LEPR: variants seen among roughly 807,000 people sequenced by gnomAD.
LEPR encodes the protein leptin receptor.
LEPR carries 56 observed loss-of-function variants against 114.7 expected under a neutral mutation model. That is an observed-to-expected ratio of 0.49 (90% CI 0.39 to 0.61). LEPR has a LOEUF of 0.61. Among genes scored for constraint, LEPR ranks in the 20% least tolerant of loss-of-function variants. LEPR has a pLI of 0.00. For missense variants in LEPR, 1,202 were observed against 1,352.9 expected (o/e 0.89, Z 1.75); for synonymous variants, 443 against 461.4 (o/e 0.96, Z 0.51).
intron 2 of LEPR, among the ~76,000 whole-genome samples, chr1:65,548,943 G>T (rs1441596348): frequency 2.0e-5 from 3 of 152,302 alleles, no homozygotes; most frequent in Non-Finnish European, 4.4e-5. Flanking sequence ...GCAGTGGCTG[G>T]TACCAGTTGT....
At chr1:65,516,311 G>A (rs867774152) in intron 2 of LEPR, among the ~76,000 whole-genome samples, 2 of 152,080 alleles carry the variant, frequency 1.3e-5, no homozygotes, top group African/African-American at 4.8e-5. Context: ...CGGCGTGGTG[G>A]CACACACCTG....
intron 2 of LEPR, among the ~76,000 whole-genome samples, chr1:65,449,649 G>C (rs895914765): frequency 6.6e-6 from 1 of 151,410 alleles, no homozygotes; most frequent in African/African-American, 2.4e-5. Flanking sequence ...GCAACTACCT[G>C]TAGGTGGCAA....
chr1:65,598,895 T>G (rs1238433663), intron 8 of LEPR, 91 bp downstream of exon 8: 1 of 1,576,352 alleles, frequency 6.3e-7, no homozygotes, highest in Non-Finnish European at 8.7e-7. Context: ...TTTTGAGGCC[T>G]TAAAATGAAA....
rs1384854713 is a variant in LEPR at position 65,633,604 on chromosome 1, TATA to T, written c.2674-2585_2674-2583del. ...CAAATAGCTTTAAAAATACAATGAT[TATA>T]AGTATGGAATCAGTGAAAATATTTA... is the stretch of plus-strand genomic sequence containing the variant. On this transcript the variant is annotated intron_variant, in intron 19 of 19. Coordinates refer to ENST00000349533, the MANE Select transcript of LEPR (RefSeq NM_002303.6). The surrounding 1 kb of genome is among the most constrained non-coding windows in gnomAD (Gnocchi z 4.1). 5.2e-5 allele frequency: 51 copies of T among 986,880 alleles called. No individual in the cohort carries two copies. The highest frequency in any genetic ancestry group is 6.1e-5 in the Non-Finnish European group (51 of 829,648). 61.1% of individuals were successfully genotyped at this position (986,880 alleles called of 1,614,324 possible).
intron 2 of LEPR, among the ~76,000 whole-genome samples, chr1:65,460,985 T>C (rs1367981389): frequency 2.0e-5 from 3 of 150,716 alleles, no homozygotes; most frequent in Non-Finnish European, 4.4e-5. Flanking sequence ...CTTTTCTTTT[T>C]TTTTTTTTTT....
chr1:65,544,244 C>T (rs913164629), intron 2 of LEPR, among the ~76,000 whole-genome samples: 5 of 151,754 alleles, frequency 3.3e-5, no homozygotes, highest in Non-Finnish European at 7.4e-5. Context: ...GCTCTGTTTG[C>T]CTATTATTGG....
chr1:65,596,657 A>G (rs1570779650), intron 7 of LEPR, 64 bp downstream of exon 7: 2 of 1,437,146 alleles, frequency 1.4e-6, no homozygotes, highest in East Asian at 2.3e-5. Flanking sequence ...CTTAAGTCCC[A>G]TAGCAATTAC....
intron 19 of LEPR, 72 bp downstream of exon 19, chr1:65,623,053 A>G (rs1282607887): frequency 1.4e-6 from 2 of 1,415,830 alleles, no homozygotes; most frequent in Middle Eastern, 2.0e-4. Flanking sequence ...CTTATAGAGC[A>G]TTAAGCATTT....
At chr1:65,550,826 G>C (rs1652271355) in intron 2 of LEPR, among the ~76,000 whole-genome samples, 1 of 152,106 alleles carries the variant, frequency 6.6e-6, no homozygotes, top group Admixed American at 6.5e-5. Flanking sequence ...TGCACCCACT[G>C]TCCTGCACCC....
At chr1:65,518,268 G>GT (rs1342930614) in intron 2 of LEPR, among the ~76,000 whole-genome samples, 6 of 152,218 alleles carry the variant, frequency 3.9e-5, no homozygotes, top group Admixed American at 2.0e-4. Context: ...GAATCTTGTA[G>GT]TTTTCCTGTG....
chr1:65,612,118 C>T (rs564843521), intron 14 of LEPR, among the ~76,000 whole-genome samples: 1 of 152,110 alleles, frequency 6.6e-6, no homozygotes, highest in East Asian at 1.9e-4. Context: ...CCTCTTAAAC[C>T]GGGATAAGAT....
chr1:65,438,334 G>A (rs1218673123), intron 2 of LEPR, among the ~76,000 whole-genome samples: 1 of 151,582 alleles, frequency 6.6e-6, no homozygotes. Context: ...GGCAGATTAC[G>A]AGGTCAAGAG....
chr1:65,547,949 C>A (rs1002239928), intron 2 of LEPR, among the ~76,000 whole-genome samples: 1 of 150,816 alleles, frequency 6.6e-6, no homozygotes, highest in Non-Finnish European at 1.5e-5. Context: ...GCATTTAGTG[C>A]TATAAATTTC....
At chr1:65,540,656 C>T (rs1651127293) in intron 2 of LEPR, among the ~76,000 whole-genome samples, 1 of 152,102 alleles carries the variant, frequency 6.6e-6, no homozygotes, top group African/African-American at 2.4e-5. Context: ...TATAAATTAC[C>T]CAGTCTCAGA....
intron 2 of LEPR, among the ~76,000 whole-genome samples, chr1:65,545,309 T>G: frequency 6.6e-6 from 1 of 152,084 alleles, no homozygotes; most frequent in Non-Finnish European, 1.5e-5. Context: ...TATAGTCCTT[T>G]GGGTATACAC....
chr1:65,505,880 T>A (rs541800257), intron 2 of LEPR, among the ~76,000 whole-genome samples: 75 of 152,130 alleles, frequency 4.9e-4, no homozygotes, highest in Non-Finnish European at 9.8e-4. Context: ...TCTATCATTG[T>A]CAATTCTCTG....
chr1:65,502,277 G>A (rs1187080627), intron 2 of LEPR, among the ~76,000 whole-genome samples: 1 of 152,052 alleles, frequency 6.6e-6, no homozygotes, highest in African/African-American at 2.4e-5. Flanking sequence ...CCAGGTATGT[G>A]TGCACCCAGA....
intron 1 of LEPR, among the ~76,000 whole-genome samples, chr1:65,423,511 C>G (rs1646295539): frequency 6.6e-6 from 1 of 152,048 alleles, no homozygotes; most frequent in Non-Finnish European, 1.5e-5. Context: ...GATGGTCAGG[C>G]ACAGAGGAGA....
Position 65,546,366 on chromosome 1 carries a change from C to G in LEPR, c.-20-19180C>G, listed in dbSNP as rs960995131. ...GAAGAAAGTCATTGGCAGCTTGATG[C>G]GGATGGCATTGAATCTATAAATTAC... is the stretch of plus-strand genomic sequence containing the variant. On this transcript the variant is annotated intron_variant, in intron 2 of 19. Transcript: ENST00000349533. 4.2e-3 allele frequency among the ~76,000 whole-genome samples: 644 copies of G among 152,134 alleles called. 5 individuals carry two copies. Among genetic ancestry groups the G allele is most frequent in the African/African-American group, 0.015 (607 of 41,496 alleles).
Sources: gnomAD v4.1 joint callset for allele counts (sites outside exome capture counted in the v4.1 genomes callset) on GRCh38, gnomAD v4.1.1 for gene constraint, Gnocchi (gnomAD v3.1) non-coding constraint, MANE v1.5 for transcripts, NCBI Gene and HGNC (gene_info 2026-07-23, HGNC 2026-07-21) for gene names.